ESRRG: variants seen among roughly 807,000 people sequenced by gnomAD.
The protein encoded by ESRRG is estrogen related receptor gamma.
Under a neutral mutation model 44.0 loss-of-function variants are expected in ESRRG, and 13 were observed. The observed-to-expected ratio is 0.30, with a 90% CI of 0.19 to 0.47. The LOEUF (loss-of-function observed/expected upper bound fraction) is 0.47. ESRRG is among the 20% of genes least tolerant of loss of function. The probability of loss-of-function intolerance (pLI) is 1.00; values close to 1 mark genes in which losing one functional copy is unlikely to be tolerated. For missense variants in ESRRG, 395 were observed against 580.6 expected, an observed-to-expected ratio of 0.68 and a Z score of 3.29; for synonymous variants, 215 against 214.6, an observed-to-expected ratio of 1.00 and a Z score of -0.02.
At chr1:216,889,548 G>A (rs914504265) in intron 2 of ESRRG, among the ~76,000 whole-genome samples, 1 of 152,118 alleles carries the variant, frequency 6.6e-6, no homozygotes, top group East Asian at 1.9e-4. Context: ...TCTCCATTCT[G>A]GTCTTCCTTG....
chr1:216,625,671 A>G (rs1257907577), intron 3 of ESRRG, among the ~76,000 whole-genome samples: 1 of 152,180 alleles, frequency 6.6e-6, no homozygotes, highest in Non-Finnish European at 1.5e-5. Flanking sequence ...AGCTCAGGCA[A>G]GCCTTTTAAC....
At chr1:216,756,491 C>T (rs934427355) in intron 2 of ESRRG, among the ~76,000 whole-genome samples, 1 of 151,938 alleles carries the variant, frequency 6.6e-6, no homozygotes, top group Non-Finnish European at 1.5e-5. Flanking sequence ...GGAATTTGTA[C>T]TTATCAGAAT....
intron 2 of ESRRG, among the ~76,000 whole-genome samples, chr1:216,774,748 A>G (rs1032514220): frequency 1.3e-5 from 2 of 151,260 alleles, no homozygotes; most frequent in African/African-American, 4.9e-5. Context: ...AAAGGAATAT[A>G]GAAACAATTA....
At chr1:216,845,739 C>G (rs2095735519) in intron 2 of ESRRG, among the ~76,000 whole-genome samples, 1 of 152,166 alleles carries the variant, frequency 6.6e-6, no homozygotes, top group Admixed American at 6.6e-5. Context: ...TCTTCCAAAA[C>G]ATCCAGATTC....
At chr1:217,047,669 G>A (rs961488749) in intron 1 of ESRRG, among the ~76,000 whole-genome samples, 6 of 152,102 alleles carry the variant, frequency 3.9e-5, no homozygotes, top group African/African-American at 1.4e-4. Flanking sequence ...GATGATCATT[G>A]TTCCAATGGG....
intron 2 of ESRRG, among the ~76,000 whole-genome samples, chr1:216,729,075 G>A (rs1289867818): frequency 2.6e-5 from 4 of 152,166 alleles, no homozygotes; most frequent in Admixed American, 6.5e-5. Context: ...TTGTACTGGA[G>A]TCAGCTTCAC....
chr1:216,677,322 G>C lies in ESRRG; in HGVS notation c.226C>G (p.Gln76Glu). The C allele has an allele frequency of 1.2e-6, 2 of 1,614,180 alleles. No individual in the cohort carries two copies. Among genetic ancestry groups the C allele is most frequent in the Non-Finnish European group, 1.7e-6 (2 of 1,180,028 alleles). ...AGAGGTGGCGAGTCAAGTCCGTTCT[G>C]ATGGCCATTCATGGTTGAACTGTAG... ...GSYSSTMNGH[Q>E]NGLDSPPLYP... The change falls in exon 2 of 7, where the codon CAG becomes GAG. Residue 76 changes from glutamine (Q) to glutamate (E), a missense_variant. By Grantham distance (29) the Gln-to-Glu change is conservative. Around this residue, in one of 5 missense-constraint regions of ESRRG, gnomAD observed 148 missense variants for 150.4 expected, o/e 0.98. Transcript: ENST00000408911.
intron 1 of ESRRG, chr1:217,000,872 A>G (rs998009194): frequency 1.3e-5 from 2 of 152,266 alleles, no homozygotes; most frequent in Non-Finnish European, 2.9e-5. Context: ...AGCTATCCAC[A>G]CTATGCACAT....
chr1:216,934,172 G>A (rs559270178), intron 2 of ESRRG, among the ~76,000 whole-genome samples: 13 of 152,242 alleles, frequency 8.5e-5, no homozygotes, highest in African/African-American at 2.6e-4. Flanking sequence ...GGTGGCTCAC[G>A]CCTGTAATTC....
chr1:216,572,645 C>G (rs1471958398), intron 3 of ESRRG, among the ~76,000 whole-genome samples: 1 of 151,822 alleles, frequency 6.6e-6, no homozygotes, highest in Non-Finnish European at 1.5e-5. Flanking sequence ...CTCAGAAAAT[C>G]AAATATCAAA....
At chr1:217,087,379 A>C (rs1288219318) in intron 1 of ESRRG, among the ~76,000 whole-genome samples, 3 of 152,354 alleles carry the variant, frequency 2.0e-5, no homozygotes, top group Non-Finnish European at 4.4e-5. Context: ...TAATATTGAA[A>C]TACTGTTGCG....
chr1:217,085,651 C>G (rs983618301), intron 1 of ESRRG, among the ~76,000 whole-genome samples: 1 of 151,728 alleles, frequency 6.6e-6, no homozygotes, highest in African/African-American at 2.4e-5. Context: ...CCACCACACC[C>G]AGCTAATTTT....
chr1:216,644,476 T>A (rs1024228294), intron 3 of ESRRG, among the ~76,000 whole-genome samples: 2 of 148,484 alleles, frequency 1.3e-5, no homozygotes, highest in African/African-American at 4.9e-5. Context: ...TCACCCAGGC[T>A]GGAGTGCAGT....
chr1:216,639,638 T>C (rs994448178), intron 3 of ESRRG, among the ~76,000 whole-genome samples: 1 of 152,178 alleles, frequency 6.6e-6, no homozygotes, highest in East Asian at 1.9e-4. Context: ...CCAAGACACA[T>C]ACAAACGCTA....
chr1:216,795,764 A>C (rs1026904443), intron 2 of ESRRG, among the ~76,000 whole-genome samples: 20 of 152,178 alleles, frequency 1.3e-4, no homozygotes, highest in Non-Finnish European at 2.6e-4. Context: ...CCTTCCTCTC[A>C]GGAATCATCT....
intron 2 of ESRRG, among the ~76,000 whole-genome samples, chr1:216,886,457 T>C (rs1043573347): frequency 3.3e-5 from 5 of 152,160 alleles, no homozygotes; most frequent in Non-Finnish European, 7.3e-5. Context: ...ATATATCTAA[T>C]GGCAAACAAA....
chr1:216,586,177 A>G (rs2063756612), intron 3 of ESRRG, among the ~76,000 whole-genome samples: 1 of 152,206 alleles, frequency 6.6e-6, no homozygotes, highest in African/African-American at 2.4e-5. Context: ...AAACATTCAA[A>G]TCTTCATGAA....
chr1:216,923,978 C>A (rs1373984589), intron 2 of ESRRG, among the ~76,000 whole-genome samples: 1 of 152,154 alleles, frequency 6.6e-6, no homozygotes. Flanking sequence ...TTTATGTTTA[C>A]CTACGAAGAA....
chr1:217,057,200 C>T (rs1213427604), intron 1 of ESRRG, among the ~76,000 whole-genome samples: 2 of 152,068 alleles, frequency 1.3e-5, no homozygotes, highest in African/African-American at 4.8e-5. Context: ...GAGAAAACAG[C>T]CGGGGAATCT....
Sources: gnomAD v4.1 joint callset for allele counts (sites outside exome capture counted in the v4.1 genomes callset) on GRCh38, gnomAD v4.1.1 for gene constraint, gnomAD v4.1.1 regional missense constraint, MANE v1.5 for transcripts, NCBI Gene and HGNC (gene_info 2026-07-23, HGNC 2026-07-21) for gene names.